Variants in AHRR observed in about 807,000 individuals in gnomAD.
AHRR encodes aryl hydrocarbon receptor repressor, also known as ahR repressor.
In AHRR, 28 loss-of-function variants were observed where a neutral mutation model predicts 44.0. The observed-to-expected ratio is 0.64, with a 90% CI of 0.47 to 0.87. The LOEUF (loss-of-function observed/expected upper bound fraction) is 0.87, where lower values mean the gene tolerates loss of function less well. AHRR is among the 40% of genes least tolerant of loss of function. AHRR has a pLI of 0.00. For synonymous variants in AHRR, 434 were observed against 407.0 expected, an observed-to-expected ratio of 1.07 and a Z score of -0.80; for missense variants, 990 against 953.9, an observed-to-expected ratio of 1.04 and a Z score of -0.50.
chr5:328,198 T>C (rs1309729569), intron 1 of AHRR, among the ~76,000 whole-genome samples: 1 of 151,562 alleles, frequency 6.6e-6, no homozygotes, highest in East Asian at 1.9e-4. Context: ...TGTACTAGTT[T>C]ACATTCCCGC....
At chr5:367,671 C>T in intron 3 of AHRR, 1 of 596,954 alleles carries the variant, frequency 1.7e-6, no homozygotes, top group African/African-American at 1.9e-5. Context: ...CTCAGGAGGC[C>T]TTCCCCAGCC....
chr5:417,124 CG>C (rs1735858920), intron 5 of AHRR, among the ~76,000 whole-genome samples: 1 of 145,310 alleles, frequency 6.9e-6, no homozygotes, highest in Non-Finnish European at 1.5e-5. Context: ...TTAGAGAAGG[CG>C]GGGTCTGTAT....
At chr5:344,118 A>C (rs1742475853) in intron 2 of AHRR, 154 bp downstream of exon 2, 7 of 725,010 alleles carry the variant, frequency 9.7e-6, no homozygotes, top group African/African-American at 1.9e-5. Context: ...CGGGCGGCGC[A>C]GGAGTCGTCT....
Position 353,764 on chromosome 5 carries a change from T to A in AHRR, c.97T>A (p.Ser33Thr), listed in dbSNP as rs1436321801. Reference sequence around the variant, plus strand: ...CGTGGGGGCAGAGAAGTCCAACCCCTCCAAGCGACACCGGGACCGCCTCAA... The same window carrying A: ...CGTGGGGGCAGAGAAGTCCAACCCCACCAAGCGACACCGGGACCGCCTCAA... The part of the protein sequence containing the change: ...PAVGAEKSNP[S>T]KRHRDRLNAE... The change falls in exon 3 of 11, where the codon TCC becomes ACC. Residue 33 changes from serine to threonine, a missense_variant. Ser to Thr is a moderately conservative substitution (Grantham distance 58). Coordinates refer to ENST00000684583, the MANE Select transcript of AHRR (RefSeq NM_001377236.1). 1.9e-6 allele frequency: 3 copies of A among 1,612,738 alleles called. No individual in the cohort carries two copies. The highest frequency in any genetic ancestry group is 2.5e-6 in the Non-Finnish European group (3 of 1,179,820).
intron 5 of AHRR, chr5:422,442 C>T (rs1016635574): frequency 3.6e-5 from 16 of 442,974 alleles, no homozygotes; most frequent in African/African-American, 1.6e-4. Context: ...AGAGTGTCTG[C>T]GGCCCAGAAG....
intron 10 of AHRR, 44 bp from the exon 11 acceptor site, chr5:433,809 G>C (rs766023427): frequency 2.1e-5 from 30 of 1,460,860 alleles, no homozygotes; most frequent in Non-Finnish European, 2.3e-5. Flanking sequence ...GCCAGACCTG[G>C]TGTCTTCAGC....
intron 2 of AHRR, among the ~76,000 whole-genome samples, chr5:351,199 G>A (rs1742846945): frequency 6.6e-6 from 1 of 152,166 alleles, no homozygotes; most frequent in Non-Finnish European, 1.5e-5. Flanking sequence ...GTTTGGTGGT[G>A]CCCCAGAAAA....
intron 3 of AHRR, among the ~76,000 whole-genome samples, chr5:362,764 T>C (rs1241116707): frequency 6.6e-6 from 1 of 152,224 alleles, no homozygotes; most frequent in African/African-American, 2.4e-5. Context: ...TTTTAACTGC[T>C]TCCAAAAGAT....
intron 5 of AHRR, among the ~76,000 whole-genome samples, chr5:414,875 G>A (rs1263940235): frequency 6.6e-6 from 1 of 152,242 alleles, no homozygotes; most frequent in Non-Finnish European, 1.5e-5. Flanking sequence ...GTGTAAGGCA[G>A]TGTTAACCAG....
intron 4 of AHRR, among the ~76,000 whole-genome samples, chr5:400,709 A>T (rs376038963): frequency 2.6e-4 from 40 of 152,372 alleles, no homozygotes; most frequent in East Asian, 2.5e-3. Context: ...TATTGAATCC[A>T]TATGACACGG....
chr5:347,737 A>T lies in AHRR; in HGVS notation c.62+3773A>T, dbSNP rs751387995. Among the ~76,000 whole-genome samples, 5 of 152,328 alleles carry T rather than the reference A, an allele frequency of 3.3e-5. No homozygotes were observed. In the South Asian group the frequency reaches 1.0e-3, roughly 32 times the overall value. ...CTTTCTCCATGGAGGGGCTGCTGGC[A>T]CGTGCAGGGGTCCTGGGAACCCCTC... On this transcript the variant is annotated intron_variant, in intron 2 of 10. Transcript: ENST00000684583.
chr5:413,768 A>G (rs1184450351), intron 5 of AHRR, among the ~76,000 whole-genome samples: 1 of 152,192 alleles, frequency 6.6e-6, no homozygotes, highest in Non-Finnish European at 1.5e-5. Context: ...CTCCCAGGCA[A>G]CGTCTTAAGC....
intron 4 of AHRR, among the ~76,000 whole-genome samples, chr5:412,658 ATTCT>A (rs1234891951): frequency 6.6e-6 from 1 of 151,152 alleles, no homozygotes; most frequent in African/African-American, 2.4e-5. Context: ...AAAAACTGTG[ATTCT>A]TTCAGCAGAT....
At chr5:407,326 C>G (rs1440544190) in intron 4 of AHRR, among the ~76,000 whole-genome samples, 1 of 152,162 alleles carries the variant, frequency 6.6e-6, no homozygotes, top group African/African-American at 2.4e-5. Flanking sequence ...TGTTCAAATA[C>G]AATTTTTTGT....
At chr5:362,461 C>A (rs141098290) in intron 3 of AHRR, among the ~76,000 whole-genome samples, 1,540 of 152,332 alleles carry the variant, frequency 0.01, 11 homozygotes, top group Non-Finnish European at 0.015. Flanking sequence ...GCTCTCCAGG[C>A]TGTGCTCCAA....
intron 5 of AHRR, among the ~76,000 whole-genome samples, chr5:420,129 G>A (rs905835583): frequency 2.0e-5 from 3 of 152,238 alleles, no homozygotes; most frequent in Non-Finnish European, 4.4e-5. Context: ...CGGCAGAACC[G>A]TGCAGTTCCT....
At chr5:347,477 C>T (rs1305794778) in intron 2 of AHRR, among the ~76,000 whole-genome samples, 1 of 152,104 alleles carries the variant, frequency 6.6e-6, no homozygotes, top group South Asian at 2.1e-4. Context: ...CGAATACATT[C>T]CTTAAAATAT....
intron 2 of AHRR, among the ~76,000 whole-genome samples, chr5:344,764 T>G (rs12519368): frequency 1.0e-4 from 1 of 9,934 alleles, no homozygotes; most frequent in African/African-American, 6.8e-4. Flanking sequence ...TGTGTGTGGG[T>G]GTGTGTGTGA....
chr5:367,572 G>A lies in AHRR; in HGVS notation c.245-9038G>A, dbSNP rs1190917096. 3.9e-5 allele frequency among the ~76,000 whole-genome samples: 6 copies of A among 152,346 alleles called. No individual in the cohort carries two copies. The East Asian group carries it at 9.6e-4, about 24-fold the overall frequency. ...TGGCAGCGCCAGGCAGTGATGCCACGTGGGCCTTGCTGGGGGCGGCATCCG... is the reference window on the plus strand; with the variant it reads ...TGGCAGCGCCAGGCAGTGATGCCACATGGGCCTTGCTGGGGGCGGCATCCG... On this transcript the variant is annotated intron_variant, in intron 3 of 10. Transcript: ENST00000684583.
Sources: gnomAD v4.1 joint callset for allele counts (sites outside exome capture counted in the v4.1 genomes callset) on GRCh38, gnomAD v4.1.1 for gene constraint, MANE v1.5 for transcripts, NCBI Gene and HGNC (gene_info 2026-07-23, HGNC 2026-07-21) for gene names.